PPP1R3D: variants seen among roughly 807,000 people sequenced by gnomAD.
The protein encoded by PPP1R3D is PP1 subunit R6.
PPP1R3D carries 27 observed loss-of-function variants against 16.3 expected under a neutral mutation model. The observed-to-expected ratio is 1.66, with a 90% CI of 1.22 to 2.29. The LOEUF (loss-of-function observed/expected upper bound fraction) is 2.29. Among genes scored for constraint, PPP1R3D ranks in the 30% most tolerant of loss-of-function variants. The pLI is 0.00. For synonymous variants in PPP1R3D, 223 were observed against 209.7 expected, an observed-to-expected ratio of 1.06 and a Z score of -0.55; for missense variants, 472 against 438.3, an observed-to-expected ratio of 1.08 and a Z score of -0.69.
At position 59,939,381 on chromosome 20, in the gene PPP1R3D, C is replaced by T; in HGVS notation, c.551G>A (p.Cys184Tyr). ...CGTACCGCTGATGCCAAGGTCCGAG[C>T]AAGTGACACGCTCCAGGCACACGAG... Reference protein sequence around the residue: ...RQLVCLERVTCSDLGISGTVR... With the variant: ...RQLVCLERVTYSDLGISGTVR... Residue 184 changes from cysteine (C) to tyrosine (Y), a missense_variant, in exon 1 of 1, where the codon TGC becomes TAC. By Grantham distance (194) the Cys-to-Tyr change is radical. Transcript: ENST00000370996. The T allele has an allele frequency of 6.2e-7, 1 of 1,610,700 alleles. No homozygotes were observed. The highest frequency in any genetic ancestry group is 1.1e-5 in the South Asian group (1 of 91,016).
Position 59,940,211 on chromosome 20 carries a change from T to G in PPP1R3D, c.-280A>C. The stretch of plus-strand genomic sequence containing the variant: ...CCGGGAGCGCAGGGTAGCGCCTCTT[T>G]TTTCTTCTTGCTTCCTTGGAGGTTC... On this transcript the variant is annotated 5_prime_UTR_variant, in exon 1 of 1. Coordinates refer to ENST00000370996, the MANE Select transcript of PPP1R3D (RefSeq NM_006242.4). 1 of 326,680 alleles carries G rather than the reference T, an allele frequency of 3.1e-6. No homozygotes were observed. Among genetic ancestry groups the G allele is most frequent in the Non-Finnish European group, 5.8e-6 (1 of 171,838 alleles). The allele number at this position is 326,680 out of a possible 1,614,324, so 20.2% of individuals were successfully genotyped here. A position where few individuals can be genotyped will look rare whatever the true frequency, so the allele number is the denominator to read the frequency against.
chr20:59,939,625 C>T lies in PPP1R3D; in HGVS notation c.307G>A (p.Val103Met). 3 of 1,584,938 alleles carry T rather than the reference C, an allele frequency of 1.9e-6. No homozygotes were observed. Among genetic ancestry groups the T allele is most frequent in the East Asian group, 2.3e-5 (1 of 42,796 alleles). ...CRPGCSQKLR[V>M]RFADALGLEL... Reference sequence around the variant, plus strand: ...AAGCCCAGGGCGTCGGCGAAGCGCACGCGGAGCTTCTGGCTGCAGCCCGGC... The same window carrying T: ...AAGCCCAGGGCGTCGGCGAAGCGCATGCGGAGCTTCTGGCTGCAGCCCGGC... The change falls in exon 1 of 1, where the codon GTG becomes ATG. Residue 103 changes from valine (V) to methionine (M), a missense_variant. By Grantham distance (21) the Val-to-Met change is conservative. Transcript: ENST00000370996.
In PPP1R3D at chr20:59,939,553, C is replaced by A. The variant is rs1357947618; in HGVS notation, c.379G>T (p.Val127Leu). The change falls in exon 1 of 1, where the codon GTG (valine) becomes TTG (leucine). Residue 127 changes from valine to leucine, a missense_variant. Transcript: ENST00000370996. ...AGCCGCGACAGCACGTGCAGCGGCA[C>A]GGACGGGTCGTCTCCCGCGTTGAAC... ...KVFNAGDDPS[V>L]PLHVLSRLAI... 2.5e-6 allele frequency: 4 copies of A among 1,611,632 alleles called. No homozygotes were observed. The highest frequency in any genetic ancestry group is 3.4e-6 in the Non-Finnish European group (4 of 1,179,436).
In PPP1R3D at chr20:59,940,020, G is replaced by A; in HGVS notation, c.-89C>T. 9.0e-7 allele frequency: 1 copy of A among 1,117,276 alleles called. No homozygotes were observed. The highest frequency in any genetic ancestry group is 4.7e-5 in the South Asian group (1 of 21,110). The allele number at this position is 1,117,276 out of a possible 1,614,324, so 69.2% of individuals were successfully genotyped here. ...TCCCTCCGTGCTCAGAAGCCGCAGA[G>A]AGTCCACCGTATCTGCAACCTGCGG... On this transcript the variant is annotated 5_prime_UTR_variant, in exon 1 of 1. Transcript: ENST00000370996.
chr20:59,938,013 CCTT>C lies in PPP1R3D; in HGVS notation c.*1016_*1018del, dbSNP rs1301622747. The C allele has an allele frequency of 2.6e-5, 4 of 152,306 alleles. No individual in the cohort carries two copies. The highest frequency in any genetic ancestry group is 3.9e-4 in the East Asian group (2 of 5,184). 9.4% of individuals were successfully genotyped at this position (152,306 alleles called of 1,614,324 possible). A position where few individuals can be genotyped will look rare whatever the true frequency, so the allele number is the denominator to read the frequency against. On this transcript the variant is annotated 3_prime_UTR_variant, in exon 1 of 1. Transcript: ENST00000370996. ...AGTGCTCTGGCTATTGCTGAAAACA[CCTT>C]CTAGTTCCACCTTGTAACTGGACTC...
Position 59,939,847 on chromosome 20 carries a change from C to G in PPP1R3D, c.85G>C (p.Asp29His). 1 of 1,243,764 alleles carries G rather than the reference C, an allele frequency of 8.0e-7. No individual in the cohort carries two copies. Among genetic ancestry groups the G allele is most frequent in the East Asian group, 3.1e-5 (1 of 31,876 alleles). The allele number at this position is 1,243,764 out of a possible 1,614,324, so 77.0% of individuals were successfully genotyped here. The change falls in exon 1 of 1, where the codon GAC (aspartate) becomes CAC (histidine). Residue 29 changes from aspartate to histidine, a missense_variant. Coordinates refer to ENST00000370996, the MANE Select transcript of PPP1R3D (RefSeq NM_006242.4). ...LGPRSLSCLS[D>H]LDGGVALEPR... ...TCCAGGGCCACGCCGCCGTCCAGGTCCGACAGGCAGCTGAGGCTCCGGGGG... is the reference window on the plus strand; with the variant it reads ...TCCAGGGCCACGCCGCCGTCCAGGTGCGACAGGCAGCTGAGGCTCCGGGGG...
chr20:59,939,747 G>A lies in PPP1R3D; in HGVS notation c.185C>T (p.Pro62Leu), dbSNP rs1940334011. Residue 62 changes from proline (P) to leucine (L), a missense_variant, in exon 1 of 1, where the codon CCC becomes CTC. Coordinates refer to ENST00000370996, the MANE Select transcript of PPP1R3D (RefSeq NM_006242.4). ...CCGCAGGATGATGGGCCGCAGGCGGGGGTCGCAGCCCGACGGCGCTGGCGT... is the reference window on the plus strand; with the variant it reads ...CCGCAGGATGATGGGCCGCAGGCGGAGGTCGCAGCCCGACGGCGCTGGCGT... The part of the protein sequence containing the change: ...PPTPAPSGCD[P>L]RLRPIILRRA... 6.5e-6 allele frequency: 8 copies of A among 1,232,690 alleles called. No homozygotes were observed. In the Admixed American group the frequency reaches 3.0e-4, roughly 46 times the overall value. 76.4% of individuals were successfully genotyped at this position (1,232,690 alleles called of 1,614,324 possible). A position where few individuals can be genotyped will look rare whatever the true frequency, so the allele number is the denominator to read the frequency against.
Position 59,939,559 on chromosome 20 carries a change from GGTC to G in PPP1R3D, c.370_372del (p.Asp124del), listed in dbSNP as rs905126619. On this transcript the variant is annotated inframe_deletion, in exon 1 of 1. Transcript: ENST00000370996. ...GACAGCACGTGCAGCGGCACGGACGGGTCGTCTCCCGCGTTGAACACCTTGACC... is the reference window on the plus strand; with the variant it reads ...GACAGCACGTGCAGCGGCACGGACGGGTCTCCCGCGTTGAACACCTTGACC... 2 of 1,611,386 alleles carry G rather than the reference GGTC, an allele frequency of 1.2e-6. No individual in the cohort carries two copies. Among genetic ancestry groups the G allele is most frequent in the Non-Finnish European group, 1.7e-6 (2 of 1,179,384 alleles).
chr20:59,938,466 G>C lies in PPP1R3D; in HGVS notation c.*566C>G, dbSNP rs2060875261. ...AGAAGGCTACAGCCGTTGGCAATCA[G>C]ATGTGGGCTCAGGTTTTCCTTATCC... On this transcript the variant is annotated 3_prime_UTR_variant, in exon 1 of 1. Coordinates refer to ENST00000370996, the MANE Select transcript of PPP1R3D (RefSeq NM_006242.4). 1 of 152,456 alleles carries C rather than the reference G, an allele frequency of 6.6e-6. No homozygotes were observed. Among genetic ancestry groups the C allele is most frequent in the Non-Finnish European group, 1.5e-5 (1 of 68,054 alleles). 9.4% of individuals were successfully genotyped at this position (152,456 alleles called of 1,614,324 possible).
Position 59,937,568 on chromosome 20 carries a change from T to TA in PPP1R3D, c.*1463dup. ...AGATGCCAACAAGCATTCAAAAATT[T>TA]AGAGTTAATTTCTTGGTGACAGGTA... On this transcript the variant is annotated 3_prime_UTR_variant, in exon 1 of 1. Transcript: ENST00000370996. 1 of 152,460 alleles carries TA rather than the reference T, an allele frequency of 6.6e-6. No homozygotes were observed. The highest frequency in any genetic ancestry group is 1.9e-4 in the East Asian group (1 of 5,184). 9.4% of individuals were successfully genotyped at this position (152,460 alleles called of 1,614,324 possible).
Position 59,939,787 on chromosome 20 carries a change from G to C in PPP1R3D, c.145C>G (p.Arg49Gly), listed in dbSNP as rs1160278335. Residue 49 changes from arginine (R) to glycine (G), a missense_variant, in exon 1 of 1, where the codon CGC becomes GGC. Arg to Gly is a moderately radical substitution (Grantham distance 125, BLOSUM62 -2). Coordinates refer to ENST00000370996, the MANE Select transcript of PPP1R3D (RefSeq NM_006242.4). Reference protein sequence around the residue: ...RACRPPGSPGRAPPPTPAPSG... With the variant: ...RACRPPGSPGGAPPPTPAPSG... ...GGCGCTGGCGTTGGCGGCGGCGCGC[G>C]GCCCGGGCTCCCAGGGGGCCTACAG... 2.4e-6 allele frequency: 3 copies of C among 1,226,288 alleles called. No individual in the cohort carries two copies. The African/African-American group carries it at 4.7e-5, about 19-fold the overall frequency. The allele number at this position is 1,226,288 out of a possible 1,614,324, so 76.0% of individuals were successfully genotyped here.
Position 59,939,302 on chromosome 20 carries a change from G to A in PPP1R3D, c.630C>T (p.Phe210=), listed in dbSNP as rs1569005355. Residue 210 remains phenylalanine, a synonymous_variant, in exon 1 of 1, where the codon TTC becomes TTT. Transcript: ENST00000370996. Reference sequence around the variant, plus strand: ...CCTCGTGGGTACTGCGCCAGCCCGAGAAAGTGTAGCGCACAGCCACCTGCT... The same window carrying A: ...CCTCGTGGGTACTGCGCCAGCCCGAAAAAGTGTAGCGCACAGCCACCTGCT... ...FEKQVAVRYT[F]SGWRSTHEAV... is the part of the protein sequence containing the mutation. 6.2e-7 allele frequency: 1 copy of A among 1,612,150 alleles called. No individual in the cohort carries two copies. Among genetic ancestry groups the A allele is most frequent in the Non-Finnish European group, 8.5e-7 (1 of 1,179,812 alleles).
chr20:59,938,481 T>G lies in PPP1R3D; in HGVS notation c.*551A>C, dbSNP rs940533334. 1 of 152,514 alleles carries G rather than the reference T, an allele frequency of 6.6e-6. No homozygotes were observed. The highest frequency in any genetic ancestry group is 1.5e-5 in the Non-Finnish European group (1 of 68,048). The allele number at this position is 152,514 out of a possible 1,614,324, so 9.4% of individuals were successfully genotyped here. On this transcript the variant is annotated 3_prime_UTR_variant, in exon 1 of 1. Coordinates refer to ENST00000370996, the MANE Select transcript of PPP1R3D (RefSeq NM_006242.4). ...TTGGCAATCAGATGTGGGCTCAGGT[T>G]TTCCTTATCCTGGGGCAGGAATGCC...
At position 59,939,773 on chromosome 20, in the gene PPP1R3D, T is replaced by TGGC; in HGVS notation, c.156_158dup (p.Pro53dup). 10 of 1,223,226 alleles carry TGGC rather than the reference T, an allele frequency of 8.2e-6. No individual in the cohort carries two copies. The highest frequency in any genetic ancestry group is 1.6e-5 in the African/African-American group (1 of 63,954). 75.8% of individuals were successfully genotyped at this position (1,223,226 alleles called of 1,614,324 possible). A position where few individuals can be genotyped will look rare whatever the true frequency, so the allele number is the denominator to read the frequency against. ...GGTCGCAGCCCGACGGCGCTGGCGT[T>TGGC]GGCGGCGGCGCGCGGCCCGGGCTCC... On this transcript the variant is annotated inframe_insertion, in exon 1 of 1. Transcript: ENST00000370996.
rs1569004800 is a variant in PPP1R3D, at chr20:59,938,643, CAAT to C, written c.*386_*388del. On this transcript the variant is annotated 3_prime_UTR_variant, in exon 1 of 1. Transcript: ENST00000370996. ...CTATGGGCTAAAGGTCCCAACATCA[CAAT>C]AATAAATAACAGCTATGTTTACAGA... 1 of 165,214 alleles carries C rather than the reference CAAT, an allele frequency of 6.1e-6. No homozygotes were observed. The highest frequency in any genetic ancestry group is 1.3e-5 in the Non-Finnish European group (1 of 77,066). 10.2% of individuals were successfully genotyped at this position (165,214 alleles called of 1,614,324 possible).
At position 59,939,006 on chromosome 20, in the gene PPP1R3D, C is replaced by T. The variant is rs750477897; in HGVS notation, c.*26G>A. ...AGGAGGCGCAGCTTAGGTGTGGAGG[C>T]TCCAGGTGGCCGGTCCCCGCGCGGC... On this transcript the variant is annotated 3_prime_UTR_variant, in exon 1 of 1. Transcript: ENST00000370996. 3.4e-6 allele frequency: 5 copies of T among 1,490,336 alleles called. No homozygotes were observed. In the African/African-American group the frequency reaches 7.0e-5, roughly 21 times the overall value. 92.3% of individuals were successfully genotyped at this position (1,490,336 alleles called of 1,614,324 possible).
rs1308495216 is a variant in PPP1R3D, at chr20:59,937,787, G to A, written c.*1245C>T. 6.6e-6 allele frequency: 1 copy of A among 152,486 alleles called. No individual in the cohort carries two copies. Among genetic ancestry groups the A allele is most frequent in the Non-Finnish European group, 1.5e-5 (1 of 68,022 alleles). 9.4% of individuals were successfully genotyped at this position (152,486 alleles called of 1,614,324 possible). ...TAAGTGATTGCCTAACTCAGCAGGG[G>A]ACAGTGGTCTTGACTTCTTGGTTGA... On this transcript the variant is annotated 3_prime_UTR_variant, in exon 1 of 1. Transcript: ENST00000370996.
rs2145945915 is a variant in PPP1R3D, at chr20:59,939,051, C to T, written c.881G>A (p.Ser294Asn). Residue 294 changes from serine (S) to asparagine (N), a missense_variant, in exon 1 of 1, where the codon AGC becomes AAC. Coordinates refer to ENST00000370996, the MANE Select transcript of PPP1R3D (RefSeq NM_006242.4). ...LHMPRGECEE[S>N]WIHFI ...CGCGGCTCAGATGAAGTGGATCCAG[C>T]TCTCTTCGCACTCCCCGCGAGGCAT... The T allele has an allele frequency of 6.5e-7, 1 of 1,542,658 alleles. No homozygotes were observed. Among genetic ancestry groups the T allele is most frequent in the Non-Finnish European group, 8.7e-7 (1 of 1,145,596 alleles).
In PPP1R3D at chr20:59,938,941, G is replaced by T; in HGVS notation, c.*91C>A. 1.5e-6 allele frequency: 2 copies of T among 1,295,816 alleles called. No individual in the cohort carries two copies. Among genetic ancestry groups the T allele is most frequent in the South Asian group, 1.9e-5 (1 of 51,374 alleles). 80.3% of individuals were successfully genotyped at this position (1,295,816 alleles called of 1,614,324 possible). On this transcript the variant is annotated 3_prime_UTR_variant, in exon 1 of 1. Coordinates refer to ENST00000370996, the MANE Select transcript of PPP1R3D (RefSeq NM_006242.4). ...GTCAGAGGACTTGGAGGGTGGTGAA[G>T]AACAACCAGATAGATGTGAGAGCCC... is the stretch of plus-strand genomic sequence containing the variant.
Sources: allele counts gnomAD v4.1 joint callset, GRCh38; gene constraint gnomAD v4.1.1; transcripts MANE v1.5; gene names NCBI Gene and HGNC (gene_info 2026-07-23, HGNC 2026-07-21).